Variants in MAGI1 observed in about 807,000 individuals in gnomAD.
MAGI1 encodes membrane-associated guanylate kinase, WW and PDZ domain-containing protein 1.
A neutral mutation model predicts 139.9 loss-of-function variants in MAGI1; 58 were observed. The ratio of observed to expected loss-of-function variants is 0.41; its 90% CI spans 0.34 to 0.52. MAGI1 has a LOEUF of 0.52. Ranked by LOEUF, MAGI1 falls within the 20% of genes least tolerant of loss-of-function variation. MAGI1 has a pLI of 0.12. For missense variants in MAGI1, 1,874 were observed against 1,901.6 expected (o/e 0.99, Z 0.27); for synonymous variants, 812 against 737.9 (o/e 1.10, Z -1.63).
intron 1 of MAGI1, among the ~76,000 whole-genome samples, chr3:65,818,131 C>G (rs1344984549): frequency 1.3e-5 from 2 of 152,006 alleles, no homozygotes; most frequent in East Asian, 3.9e-4. Flanking sequence ...CCTTAAAACA[C>G]ATACACACAC....
intron 1 of MAGI1, among the ~76,000 whole-genome samples, chr3:65,920,373 A>T (rs1301307325): frequency 1.3e-5 from 2 of 152,202 alleles, no homozygotes; most frequent in Non-Finnish European, 2.9e-5. Flanking sequence ...AGCAGTGGGG[A>T]ACAGAACATA....
chr3:65,442,678 A>T, intron 8 of MAGI1, 114 bp downstream of exon 8: 1 of 670,918 alleles, frequency 1.5e-6, no homozygotes, highest in East Asian at 2.6e-5. Flanking sequence ...TCATCATAAA[A>T]TTAATATTGT....
chr3:65,846,647 G>A (rs576398772), intron 1 of MAGI1, among the ~76,000 whole-genome samples: 27 of 152,180 alleles, frequency 1.8e-4, no homozygotes, highest in Non-Finnish European at 2.9e-4. Flanking sequence ...ATGTGCTTTC[G>A]CCTTGTAACA....
intron 1 of MAGI1, among the ~76,000 whole-genome samples, chr3:66,002,256 G>C (rs2066784236): frequency 6.6e-6 from 1 of 152,072 alleles, no homozygotes. Flanking sequence ...GATGGGGAGG[G>C]GAGATCTCAC....
intron 1 of MAGI1, among the ~76,000 whole-genome samples, chr3:66,036,533 T>C (rs572320392): frequency 5.9e-5 from 9 of 152,306 alleles, no homozygotes; most frequent in African/African-American, 2.2e-4. Context: ...TCTGGAGGGC[T>C]TCTTGGAGGA....
intron 1 of MAGI1, 23 bp downstream of exon 1, chr3:66,037,973 C>A (rs757134298): frequency 6.5e-7 from 1 of 1,528,990 alleles, no homozygotes; most frequent in Non-Finnish European, 8.8e-7. Context: ...CGGGGCGCCC[C>A]CCAAAGGCGC....
intron 1 of MAGI1, among the ~76,000 whole-genome samples, chr3:66,034,604 A>T (rs1476721818): frequency 6.6e-6 from 1 of 152,200 alleles, no homozygotes; most frequent in Admixed American, 6.5e-5. Flanking sequence ...AAAATCAAAG[A>T]TGGCCAAAGA....
intron 1 of MAGI1, among the ~76,000 whole-genome samples, chr3:65,974,738 C>CT (rs1277527224): frequency 6.6e-6 from 1 of 152,180 alleles, no homozygotes; most frequent in African/African-American, 2.4e-5. Flanking sequence ...CTCCACAGCA[C>CT]TGCTCACAGC....
intron 1 of MAGI1, among the ~76,000 whole-genome samples, chr3:65,642,489 A>G (rs2085034363): frequency 6.6e-6 from 1 of 152,210 alleles, no homozygotes; most frequent in Non-Finnish European, 1.5e-5. Flanking sequence ...CTTCAACCAG[A>G]TACCAAAATT....
chr3:65,454,765 C>G (rs73133308), intron 5 of MAGI1, among the ~76,000 whole-genome samples: 1 of 149,308 alleles, frequency 6.7e-6, no homozygotes, highest in Admixed American at 6.7e-5. Context: ...ACAGAATCTG[C>G]GAATGTATAC....
chr3:65,920,636 C>T (rs1357888787), intron 1 of MAGI1, among the ~76,000 whole-genome samples: 1 of 152,166 alleles, frequency 6.6e-6, no homozygotes, highest in Non-Finnish European at 1.5e-5. Context: ...TTTTTAACAA[C>T]TTTTATTTAA....
intron 1 of MAGI1, among the ~76,000 whole-genome samples, chr3:65,837,586 G>T (rs373243824): frequency 6.6e-6 from 1 of 152,150 alleles, no homozygotes; most frequent in African/African-American, 2.4e-5. Context: ...CAACCATGGG[G>T]GCCAACGTCC....
intron 2 of MAGI1, among the ~76,000 whole-genome samples, chr3:65,563,661 C>G (rs2080474101): frequency 6.6e-6 from 1 of 152,132 alleles, no homozygotes; most frequent in Non-Finnish European, 1.5e-5. Flanking sequence ...TCAGACCAAC[C>G]TGGATTTGAA....
At chr3:65,621,344 C>T (rs746770629) in intron 2 of MAGI1, among the ~76,000 whole-genome samples, 2 of 152,232 alleles carry the variant, frequency 1.3e-5, no homozygotes, top group South Asian at 2.1e-4. Context: ...AGACACTCTG[C>T]TTTCAGCATT....
chr3:65,430,664 CCA>C lies in MAGI1; in HGVS notation c.1546+33_1546+34del, dbSNP rs749041684. The C allele has an allele frequency of 5.6e-6, 9 of 1,598,094 alleles. No individual in the cohort carries two copies. In the African/African-American group the frequency reaches 1.2e-4, roughly 22 times the overall value. On this transcript the variant is annotated intron_variant, in intron 11 of 22. Transcript: ENST00000402939. Reference sequence around the variant, plus strand: ...GTTTATCTCCTGGATTGGAGTCTCACCACACAGAACACACTAAGGCCATGTTG... The same window carrying C: ...GTTTATCTCCTGGATTGGAGTCTCACCACAGAACACACTAAGGCCATGTTG...
chr3:65,402,426 G>A (rs528471545), intron 12 of MAGI1, among the ~76,000 whole-genome samples: 4 of 152,248 alleles, frequency 2.6e-5, no homozygotes, highest in South Asian at 2.1e-4. Context: ...GGAAGGGTGC[G>A]AAAGACAGGC....
chr3:66,013,690 C>T (rs1033437846), intron 1 of MAGI1, among the ~76,000 whole-genome samples: 1 of 147,746 alleles, frequency 6.8e-6, no homozygotes, highest in Non-Finnish European at 1.5e-5. Context: ...GAACCCAGGA[C>T]GTGAGGCTTG....
intron 1 of MAGI1, among the ~76,000 whole-genome samples, chr3:65,826,074 T>C (rs1361131652): frequency 6.6e-6 from 1 of 152,152 alleles, no homozygotes; most frequent in African/African-American, 2.4e-5. Context: ...GTTGTATATA[T>C]GTGTAGATGT....
intron 1 of MAGI1, among the ~76,000 whole-genome samples, chr3:65,650,529 A>G (rs902328644): frequency 1.3e-5 from 2 of 152,204 alleles, no homozygotes; most frequent in African/African-American, 4.8e-5. Context: ...AGAAATGCCA[A>G]ATGGGGGCCT....
Sources: gnomAD v4.1 joint callset for allele counts (sites outside exome capture counted in the v4.1 genomes callset) on GRCh38, gnomAD v4.1.1 for gene constraint, MANE v1.5 for transcripts, NCBI Gene and HGNC (gene_info 2026-07-23, HGNC 2026-07-21) for gene names.